MYO10: variants seen among roughly 807,000 people sequenced by gnomAD.
The protein encoded by MYO10 is myosin X, also known as unconventional myosin-X.
A neutral mutation model predicts 257.3 loss-of-function variants in MYO10; 133 were observed. That is an observed-to-expected ratio of 0.52 (90% CI 0.45 to 0.60). The LOEUF (loss-of-function observed/expected upper bound fraction) is 0.60. MYO10 is among the 20% of genes least tolerant of loss of function. The pLI is 0.00. For synonymous variants in MYO10, 1,104 were observed against 1,028.6 expected (o/e 1.07, Z -1.40); for missense variants, 2,399 against 2,635.7 (o/e 0.91, Z 1.97).
chr5:16,905,652 T>G (rs936848019), intron 1 of MYO10, among the ~76,000 whole-genome samples: 2 of 152,144 alleles, frequency 1.3e-5, no homozygotes, highest in African/African-American at 4.8e-5. Context: ...GATGGGTACC[T>G]TGGATGCAAC....
intron 19 of MYO10, among the ~76,000 whole-genome samples, chr5:16,719,059 C>G (rs1739030783): frequency 6.7e-6 from 1 of 150,276 alleles, no homozygotes; most frequent in African/African-American, 2.4e-5. Context: ...AAGCTTTGTT[C>G]TTTTGCTCTT....
chr5:16,732,870 A>G (rs1265702660), intron 19 of MYO10, among the ~76,000 whole-genome samples: 4 of 152,226 alleles, frequency 2.6e-5, no homozygotes, highest in Non-Finnish European at 5.9e-5. Flanking sequence ...GCGGTGGCTC[A>G]TGCCTGTAAT....
chr5:16,671,023 G>A (rs763426094), intron 38 of MYO10, 45 bp from the exon 39 acceptor site: 20 of 1,503,916 alleles, frequency 1.3e-5, no homozygotes, highest in Non-Finnish European at 1.4e-5. Context: ...GCACTGCCAT[G>A]CCATGGGATG....
chr5:16,691,698 C>CAA (rs34616596), intron 27 of MYO10, among the ~76,000 whole-genome samples: 70 of 134,186 alleles, frequency 5.2e-4, no homozygotes, highest in African/African-American at 1.7e-3. Context: ...GACTCTGTAT[C>CAA]AAAAAAAAAA....
intron 19 of MYO10, chr5:16,741,711 T>TC: frequency 3.6e-6 from 3 of 841,382 alleles, no homozygotes; most frequent in Non-Finnish European, 4.3e-6. Flanking sequence ...CAAAATCTGT[T>TC]CCCCGTGTAT....
intron 1 of MYO10, among the ~76,000 whole-genome samples, chr5:16,878,149 C>T (rs1370352444): frequency 6.6e-6 from 1 of 152,182 alleles, no homozygotes; most frequent in Non-Finnish European, 1.5e-5. Flanking sequence ...TAGGTCTCAA[C>T]AAGCCTTCAC....
intron 3 of MYO10, among the ~76,000 whole-genome samples, chr5:16,812,287 C>T (rs1439648753): frequency 6.6e-6 from 1 of 152,206 alleles, no homozygotes; most frequent in African/African-American, 2.4e-5. Context: ...GAAGGCCGGG[C>T]TTCTGCACAG....
chr5:16,881,302 A>C (rs139458934), intron 1 of MYO10, among the ~76,000 whole-genome samples: 1 of 152,190 alleles, frequency 6.6e-6, no homozygotes, highest in Non-Finnish European at 1.5e-5. Context: ...GGCCATCCAG[A>C]ACATATTTTT....
At chr5:16,821,391 G>A (rs754180920) in intron 2 of MYO10, among the ~76,000 whole-genome samples, 12 of 142,776 alleles carry the variant, frequency 8.4e-5, no homozygotes, top group Non-Finnish European at 1.8e-4. Flanking sequence ...GCTATAACCT[G>A]TAAACTAGAG....
intron 22 of MYO10, among the ~76,000 whole-genome samples, chr5:16,704,001 C>T (rs1290426572): frequency 6.6e-6 from 1 of 151,508 alleles, no homozygotes; most frequent in Non-Finnish European, 1.5e-5. Context: ...GGCTTCAAGA[C>T]CTGACGCAGA....
At position 16,892,576 on chromosome 5, in the gene MYO10, G is replaced by A. The variant is rs73064915; in HGVS notation, c.22-14869C>T. Among the ~76,000 whole-genome samples the A allele has an allele frequency of 7.8e-3, 1,188 of 152,302 alleles. 14 individuals carry two copies. The highest frequency in any genetic ancestry group is 0.026 in the African/African-American group (1,100 of 41,558). ...GAGAGTCTCCTGAACCAAGGAGGCG[G>A]AAGTTACAGTGAGCCAAGACTGCGC... is the stretch of plus-strand genomic sequence containing the variant. On this transcript the variant is annotated intron_variant, in intron 1 of 40. Coordinates refer to ENST00000513610, the MANE Select transcript of MYO10 (RefSeq NM_012334.3).
chr5:16,709,311 TC>T (rs1194374329), intron 21 of MYO10, among the ~76,000 whole-genome samples: 1 of 152,282 alleles, frequency 6.6e-6, no homozygotes, highest in Admixed American at 6.5e-5. Flanking sequence ...GGGCACACCC[TC>T]AGGTGGCCCC....
intron 4 of MYO10, among the ~76,000 whole-genome samples, chr5:16,793,800 G>A (rs567584493): frequency 1.3e-5 from 2 of 151,934 alleles, no homozygotes; most frequent in East Asian, 1.9e-4. Context: ...TGGTGGCGAC[G>A]CATGCCTGTA....
rs1035465525 is a variant in MYO10, at chr5:16,869,291, G to A, written c.120+8318C>T. Among the ~76,000 whole-genome samples the A allele has an allele frequency of 2.4e-4, 35 of 148,674 alleles. 1 individual carries two copies. Among genetic ancestry groups the A allele is most frequent in the South Asian group, 1.1e-3 (5 of 4,722 alleles). On this transcript the variant is annotated intron_variant, in intron 2 of 40. Transcript: ENST00000513610. ...CCTGACCTCATGATCCACCCACCTC[G>A]GCCTCCCAAAGTGCTGGGATTACAG...
chr5:16,713,148 C>G (rs549462003), intron 19 of MYO10, among the ~76,000 whole-genome samples: 1 of 152,176 alleles, frequency 6.6e-6, no homozygotes, highest in African/African-American at 2.4e-5. Flanking sequence ...TCACTTGATG[C>G]GCAAAGACTT....
chr5:16,791,213 T>A (rs1456935275), intron 4 of MYO10, among the ~76,000 whole-genome samples: 1 of 152,126 alleles, frequency 6.6e-6, no homozygotes, highest in African/African-American at 2.4e-5. Flanking sequence ...AAAACACATT[T>A]TAGCCAGCAG....
chr5:16,856,816 G>A (rs1186658947), intron 2 of MYO10, among the ~76,000 whole-genome samples: 1 of 152,102 alleles, frequency 6.6e-6, no homozygotes, highest in African/African-American at 2.4e-5. Context: ...TTCCACCCAA[G>A]GGCCTCCCCT....
At chr5:16,884,648 T>C (rs1377907243) in intron 1 of MYO10, among the ~76,000 whole-genome samples, 1 of 145,466 alleles carries the variant, frequency 6.9e-6, no homozygotes, top group Non-Finnish European at 1.5e-5. Context: ...CTTTTTCTCC[T>C]GTTTTCGTCT....
intron 1 of MYO10, among the ~76,000 whole-genome samples, chr5:16,904,557 C>T (rs536198068): frequency 6.6e-6 from 1 of 152,268 alleles, no homozygotes; most frequent in South Asian, 2.1e-4. Context: ...TGAGGGGACG[C>T]CCAGCTGGTG....
Sources: allele counts gnomAD v4.1 joint callset (sites outside exome capture counted in the v4.1 genomes callset), GRCh38; gene constraint gnomAD v4.1.1; transcripts MANE v1.5; gene names NCBI Gene and HGNC (gene_info 2026-07-23, HGNC 2026-07-21).